Variants in CADPS observed in about 807,000 individuals in gnomAD.
CADPS encodes the protein calcium-dependent secretion activator 1.
CADPS carries 57 observed loss-of-function variants against 167.3 expected under a neutral mutation model. The ratio of observed to expected loss-of-function variants is 0.34; its 90% CI spans 0.28 to 0.42. The LOEUF (loss-of-function observed/expected upper bound fraction) is 0.42. Ranked by LOEUF, CADPS falls within the 20% of genes least tolerant of loss-of-function variation. The pLI is 1.00. For synonymous variants in CADPS, 676 were observed against 635.3 expected (o/e 1.06, Z -0.96); for missense variants, 1,414 against 1,738.1 (o/e 0.81, Z 3.32).
intron 3 of CADPS, among the ~76,000 whole-genome samples, chr3:62,732,102 G>A (rs2078018912): frequency 6.6e-6 from 1 of 152,116 alleles, no homozygotes; most frequent in Non-Finnish European, 1.5e-5. Flanking sequence ...AGGCATTTGT[G>A]GTAGGTAGCT....
chr3:62,513,593 C>G, intron 16 of CADPS: 1 of 1,246,140 alleles, frequency 8.0e-7, no homozygotes, highest in South Asian at 1.3e-5. Flanking sequence ...ATAATGAAAA[C>G]AGAAAGAGTG....
At chr3:62,628,843 T>G (rs2064675721) in intron 6 of CADPS, among the ~76,000 whole-genome samples, 1 of 152,130 alleles carries the variant, frequency 6.6e-6, no homozygotes, top group Non-Finnish European at 1.5e-5. Flanking sequence ...GTCAGTATTG[T>G]CTTGATCTCT....
chr3:62,495,026 T>C (rs2064459913), intron 18 of CADPS, among the ~76,000 whole-genome samples: 1 of 152,154 alleles, frequency 6.6e-6, no homozygotes, highest in Admixed American at 6.5e-5. Flanking sequence ...ACTTCTACGA[T>C]CTATAGAGAA....
chr3:62,500,156 T>C (rs1362894053), intron 17 of CADPS: 1 of 152,134 alleles, frequency 6.6e-6, no homozygotes, highest in Non-Finnish European at 1.5e-5. Flanking sequence ...CTTTTCTTTT[T>C]CTTGTTTTTT....
At chr3:62,503,143 G>A (rs2151365768) in intron 17 of CADPS, among the ~76,000 whole-genome samples, 1 of 151,284 alleles carries the variant, frequency 6.6e-6, no homozygotes, top group South Asian at 2.1e-4. Flanking sequence ...GATGGCAGCA[G>A]CAGCACTGAC....
chr3:62,496,548 T>A (rs1195336345), intron 18 of CADPS, among the ~76,000 whole-genome samples: 1 of 152,232 alleles, frequency 6.6e-6, no homozygotes. Flanking sequence ...TTGTTCCTCA[T>A]AACAAAAGAG....
At chr3:62,762,364 A>G (rs1559508832) in intron 2 of CADPS, among the ~76,000 whole-genome samples, 1 of 152,236 alleles carries the variant, frequency 6.6e-6, no homozygotes, top group Non-Finnish European at 1.5e-5. Context: ...GATTTAATGT[A>G]TATGGGAGAA....
At chr3:62,672,203 G>T (rs1342144682) in intron 3 of CADPS, among the ~76,000 whole-genome samples, 1 of 13,024 alleles carries the variant, frequency 7.7e-5, no homozygotes, top group Non-Finnish European at 4.0e-3. Context: ...TTAAAACACA[G>T]AGTCCGGGCC....
intron 1 of CADPS, among the ~76,000 whole-genome samples, chr3:62,792,176 C>A (rs545602870): frequency 1.3e-5 from 2 of 151,738 alleles, no homozygotes; most frequent in South Asian, 4.2e-4. Flanking sequence ...AGAGTCAATT[C>A]ATGTGACTAA....
intron 28 of CADPS, among the ~76,000 whole-genome samples, chr3:62,424,846 C>T (rs1382857896): frequency 6.6e-6 from 1 of 152,028 alleles, no homozygotes. Context: ...AATTGGAAAC[C>T]GAAAATATAC....
At chr3:62,506,074 A>G (rs1328205815) in intron 17 of CADPS, among the ~76,000 whole-genome samples, 1 of 152,168 alleles carries the variant, frequency 6.6e-6, no homozygotes, top group Admixed American at 6.5e-5. Flanking sequence ...GAATAACATC[A>G]GGTTTCTTAA....
chr3:62,499,648 T>C (rs1308789007), intron 17 of CADPS: 1 of 155,562 alleles, frequency 6.4e-6, no homozygotes, highest in South Asian at 2.0e-4. Context: ...AAGTTTAATA[T>C]TGATTGCTGT....
intron 1 of CADPS, among the ~76,000 whole-genome samples, chr3:62,808,973 A>C (rs1559724776): frequency 6.6e-6 from 1 of 152,180 alleles, no homozygotes; most frequent in Non-Finnish European, 1.5e-5. Context: ...CAACTGCACA[A>C]ACCAAAAATT....
chr3:62,733,402 C>T (rs377684821), intron 3 of CADPS, among the ~76,000 whole-genome samples: 13 of 147,466 alleles, frequency 8.8e-5, no homozygotes, highest in African/African-American at 2.8e-4. Context: ...TAATAATTTG[C>T]CAAATCTGCA....
At chr3:62,702,408 G>C (rs2081562158) in intron 3 of CADPS, among the ~76,000 whole-genome samples, 1 of 152,122 alleles carries the variant, frequency 6.6e-6, no homozygotes, top group Non-Finnish European at 1.5e-5. Flanking sequence ...GCCTGTCGGG[G>C]GAAGAATGAT....
chr3:62,408,961 C>G (rs1295462717), intron 28 of CADPS, among the ~76,000 whole-genome samples: 6 of 152,198 alleles, frequency 3.9e-5, no homozygotes, highest in Non-Finnish European at 8.8e-5. Context: ...TAATATACAC[C>G]CATATGCACT....
chr3:62,530,649 C>A (rs2073436497), intron 13 of CADPS: 2 of 1,285,626 alleles, frequency 1.6e-6, no homozygotes, highest in Non-Finnish European at 2.0e-6. Flanking sequence ...CACATAACTT[C>A]TTACCTTTTC....
intron 1 of CADPS, among the ~76,000 whole-genome samples, chr3:62,778,577 T>C (rs1413108747): frequency 2.0e-5 from 3 of 152,186 alleles, no homozygotes; most frequent in African/African-American, 7.2e-5. Context: ...ATGATTGATA[T>C]ACAGCATGAA....
chr3:62,686,991 T>C (rs1395993891), intron 3 of CADPS, among the ~76,000 whole-genome samples: 1 of 152,090 alleles, frequency 6.6e-6, no homozygotes, highest in African/African-American at 2.4e-5. Context: ...ATGATTGCAA[T>C]GATGGTGACA....
Sources: gnomAD v4.1 joint callset for allele counts (sites outside exome capture counted in the v4.1 genomes callset) on GRCh38, gnomAD v4.1.1 for gene constraint, MANE v1.5 for transcripts, NCBI Gene and HGNC (gene_info 2026-07-23, HGNC 2026-07-21) for gene names.